The following NARS2 variants were observed in gnomAD, a reference collection of about 807,000 sequenced individuals.
NARS2 encodes the protein asparaginyl-tRNA synthetase.
NARS2 carries 60 observed loss-of-function variants against 62.9 expected under a neutral mutation model. The observed-to-expected ratio is 0.95, with a 90% CI of 0.77 to 1.18. NARS2 has a LOEUF of 1.18. Ranked by LOEUF, NARS2 falls within the 50% of genes most tolerant of loss-of-function variation. NARS2 has a pLI of 0.00. For synonymous variants in NARS2, 196 were observed against 200.0 expected, an observed-to-expected ratio of 0.98 and a Z score of 0.17; for missense variants, 619 against 576.4, an observed-to-expected ratio of 1.07 and a Z score of -0.76.
chr11:78,569,987 G>A (rs1473721499), intron 2 of NARS2, among the ~76,000 whole-genome samples: 2 of 152,116 alleles, frequency 1.3e-5, no homozygotes, highest in Non-Finnish European at 2.9e-5. Context: ...TCAGGAGTTC[G>A]AGACCAGCCT....
chr11:78,532,277 T>C (rs1322609733), intron 5 of NARS2, among the ~76,000 whole-genome samples: 1 of 152,190 alleles, frequency 6.6e-6, no homozygotes, highest in African/African-American at 2.4e-5. Flanking sequence ...GATGAATTTA[T>C]ATATGTTAAA....
chr11:78,527,852 G>A (rs997496218), intron 6 of NARS2, among the ~76,000 whole-genome samples: 2 of 152,190 alleles, frequency 1.3e-5, no homozygotes, highest in African/African-American at 4.8e-5. Flanking sequence ...GCTCCTGCTT[G>A]TAATCCCAGT....
At chr11:78,558,373 T>G (rs1856439773) in intron 5 of NARS2, 1 of 152,162 alleles carries the variant, frequency 6.6e-6, no homozygotes, top group Non-Finnish European at 1.5e-5. Flanking sequence ...AGAGACTACT[T>G]TGTTCAATAA....
chr11:78,487,549 A>G (rs1204764326), intron 7 of NARS2, among the ~76,000 whole-genome samples: 8 of 152,122 alleles, frequency 5.3e-5, no homozygotes, highest in Non-Finnish European at 1.2e-4. Context: ...ATACGTAAAG[A>G]AATAATGGCT....
At position 78,568,674 on chromosome 11, in the gene NARS2, C is replaced by A; in HGVS notation, c.330G>T (p.Leu110=). 1 of 1,613,258 alleles carries A rather than the reference C, an allele frequency of 6.2e-7. No individual in the cohort carries two copies. Among genetic ancestry groups the A allele is most frequent in the Non-Finnish European group, 8.5e-7 (1 of 1,179,506 alleles). ...KSPSKRQNVE[L]KAEKIKVIGN... is the part of the protein sequence containing the mutation. ...CAATAACTTTAATTTTTTCTGCCTT[C>A]AGTTCCACATTTTGCCTTTTGGATG... is the stretch of plus-strand genomic sequence containing the variant. Residue 110 remains leucine, a synonymous_variant, in exon 3 of 14, where the codon CTG becomes CTT. Transcript: ENST00000281038.
chr11:78,475,096 C>T (rs1172533167), intron 9 of NARS2, among the ~76,000 whole-genome samples: 2 of 151,260 alleles, frequency 1.3e-5, no homozygotes, highest in Non-Finnish European at 2.9e-5. Context: ...TCACCGGCCA[C>T]TGGTAACTAC....
chr11:78,492,265 T>A (rs191023628), intron 7 of NARS2, among the ~76,000 whole-genome samples: 1 of 152,146 alleles, frequency 6.6e-6, no homozygotes, highest in Non-Finnish European at 1.5e-5. Context: ...GTTGGTCACA[T>A]AGCATGTGAG....
At position 78,563,116 on chromosome 11, in the gene NARS2, C is replaced by T. The variant is rs1300072180; in HGVS notation, c.513+3016G>A. 2.0e-5 allele frequency among the ~76,000 whole-genome samples: 3 copies of T among 151,500 alleles called. 1 individual carries two copies. Among genetic ancestry groups the T allele is most frequent in the South Asian group, 4.2e-4 (2 of 4,804 alleles). ...CAGAATTATATTCTCCAGGTCTTTA[C>T]AAATACTAAGTGAATTTATTACTAC... On this transcript the variant is annotated intron_variant, in intron 4 of 13. Transcript: ENST00000281038.
At chr11:78,513,232 G>A (rs963261748) in intron 6 of NARS2, among the ~76,000 whole-genome samples, 3 of 152,056 alleles carry the variant, frequency 2.0e-5, no homozygotes, top group African/African-American at 4.8e-5. Flanking sequence ...CCTGGGTGAC[G>A]GAGTGAGACT....
rs142544110 is a variant in NARS2 at position 78,489,973 on chromosome 11, T to C, written c.822+3090A>G. On this transcript the variant is annotated intron_variant, in intron 7 of 13. Coordinates refer to ENST00000281038, the MANE Select transcript of NARS2 (RefSeq NM_024678.6). Reference sequence around the variant, plus strand: ...GGATCACTTGAGCCCCAGGAGTTCATGGCTGAAGTGAGCTATGACTGCACC... The same window carrying C: ...GGATCACTTGAGCCCCAGGAGTTCACGGCTGAAGTGAGCTATGACTGCACC... Among the ~76,000 whole-genome samples, 374 of 152,180 alleles carry C rather than the reference T, an allele frequency of 2.5e-3. 1 individual carries two copies. Among genetic ancestry groups the C allele is most frequent in the African/African-American group, 8.2e-3 (340 of 41,528 alleles).
chr11:78,492,396 C>T (rs563209998), intron 7 of NARS2, among the ~76,000 whole-genome samples: 11 of 152,278 alleles, frequency 7.2e-5, no homozygotes, highest in South Asian at 4.1e-4. Flanking sequence ...GTTCATATTG[C>T]TGCTAAAAAG....
intron 9 of NARS2, among the ~76,000 whole-genome samples, chr11:78,476,693 G>A (rs1859112882): frequency 6.6e-6 from 1 of 152,222 alleles, no homozygotes; most frequent in Admixed American, 6.5e-5. Context: ...ATGATTTGTA[G>A]TATGCAGAAT....
intron 5 of NARS2, chr11:78,533,254 G>A (rs931636071): frequency 6.6e-6 from 1 of 152,106 alleles, no homozygotes; most frequent in Non-Finnish European, 1.5e-5. Flanking sequence ...CAGACTTTAT[G>A]GAACCTGATT....
chr11:78,455,642 GA>G, intron 11 of NARS2, among the ~76,000 whole-genome samples: 1 of 152,062 alleles, frequency 6.6e-6, no homozygotes, highest in Non-Finnish European at 1.5e-5. Flanking sequence ...GTATATCCAG[GA>G]ACAAAACCCA....
chr11:78,474,160 A>C (rs1353595142), intron 9 of NARS2, among the ~76,000 whole-genome samples: 6 of 152,172 alleles, frequency 3.9e-5, no homozygotes, highest in Admixed American at 3.9e-4. Context: ...GTGTTTTCAA[A>C]TTACCTAGTC....
intron 5 of NARS2, among the ~76,000 whole-genome samples, chr11:78,540,896 C>T (rs1002068839): frequency 6.6e-6 from 1 of 152,006 alleles, no homozygotes. Flanking sequence ...AATTTTTTCA[C>T]GCCTGTAATC....
At chr11:78,511,699 A>T (rs1020179540) in intron 6 of NARS2, among the ~76,000 whole-genome samples, 2 of 150,648 alleles carry the variant, frequency 1.3e-5, no homozygotes, top group African/African-American at 4.9e-5. Flanking sequence ...CCTGGGTGAC[A>T]GAGCGAGACT....
chr11:78,518,841 T>A (rs1207201441), intron 6 of NARS2, among the ~76,000 whole-genome samples: 1 of 152,048 alleles, frequency 6.6e-6, no homozygotes, highest in Non-Finnish European at 1.5e-5. Context: ...TGACGTGAAA[T>A]GAATGAGTAC....
chr11:78,484,188 T>C (rs1284882974), intron 7 of NARS2, among the ~76,000 whole-genome samples: 1 of 152,296 alleles, frequency 6.6e-6, no homozygotes, highest in East Asian at 1.9e-4. Context: ...GCTGGTCATA[T>C]GCAGAAAACA....
Sources: allele counts gnomAD v4.1 joint callset (sites outside exome capture counted in the v4.1 genomes callset), GRCh38; gene constraint gnomAD v4.1.1; transcripts MANE v1.5; gene names NCBI Gene and HGNC (gene_info 2026-07-23, HGNC 2026-07-21).